The following STK33 variants were observed in gnomAD, a reference collection of about 807,000 sequenced individuals.
STK33 encodes the protein serine/threonine-protein kinase 33.
A neutral mutation model predicts 58.0 loss-of-function variants in STK33; 52 were observed. That is an observed-to-expected ratio of 0.90 (90% confidence interval 0.72 to 1.13). The LOEUF (loss-of-function observed/expected upper bound fraction) is 1.13. Ranked by LOEUF, STK33 falls within the 50% of genes most tolerant of loss-of-function variation. STK33 has a pLI of 0.00. For synonymous variants in STK33, 215 were observed against 200.1 expected, an observed-to-expected ratio of 1.07 and a Z score of -0.63; for missense variants, 630 against 604.2, an observed-to-expected ratio of 1.04 and a Z score of -0.45.
At chr11:8,525,109 A>G (rs1006981274) in intron 1 of STK33, among the ~76,000 whole-genome samples, 1 of 152,194 alleles carries the variant, frequency 6.6e-6, no homozygotes, top group Non-Finnish European at 1.5e-5. Context: ...ATATAAAAGA[A>G]TATGTAAACA....
At chr11:8,496,584 T>A (rs1335762375) in intron 1 of STK33, among the ~76,000 whole-genome samples, 1 of 151,926 alleles carries the variant, frequency 6.6e-6, no homozygotes, top group Non-Finnish European at 1.5e-5. Flanking sequence ...TTTCATTTTT[T>A]TTTTTTTTGA....
chr11:8,576,764 C>T (rs1958214966), intron 1 of STK33, among the ~76,000 whole-genome samples: 1 of 152,132 alleles, frequency 6.6e-6, no homozygotes, highest in Non-Finnish European at 1.5e-5. Context: ...GGCCACACAG[C>T]TAATAAATGA....
intron 1 of STK33, among the ~76,000 whole-genome samples, chr11:8,540,597 C>T (rs1177753600): frequency 6.6e-6 from 1 of 152,066 alleles, no homozygotes; most frequent in African/African-American, 2.4e-5. Context: ...TGCTACAAAA[C>T]AAACCTAGCA....
the STK33 span, among the ~76,000 whole-genome samples, chr11:8,378,233 T>TA: frequency 6.6e-6 from 1 of 152,136 alleles, no homozygotes; most frequent in African/African-American, 2.4e-5. Context: ...GGAAGCCCCT[T>TA]AAAAAACCAT....
intron 1 of STK33, chr11:8,580,770 TA>T (rs892242827): frequency 3.3e-5 from 5 of 152,092 alleles, no homozygotes; most frequent in African/African-American, 9.7e-5. Context: ...CCACAGAAAT[TA>T]AAAACTGCAA....
intron 8 of STK33, 63 bp downstream of exon 8, chr11:8,461,742 T>A: frequency 7.6e-7 from 1 of 1,310,630 alleles, no homozygotes; most frequent in Non-Finnish European, 1.0e-6. Flanking sequence ...TATTTCAGAA[T>A]GGAATGATAT....
chr11:8,459,002 A>C (rs931787214), intron 8 of STK33, among the ~76,000 whole-genome samples: 1 of 152,232 alleles, frequency 6.6e-6, no homozygotes, highest in African/African-American at 2.4e-5. Context: ...CACATAAATA[A>C]GCTTTTGAAC....
intron 1 of STK33, among the ~76,000 whole-genome samples, chr11:8,587,102 A>G (rs2031793794): frequency 6.6e-6 from 1 of 152,172 alleles, no homozygotes; most frequent in African/African-American, 2.4e-5. Flanking sequence ...ATCAACAAAA[A>G]CAATAAATTA....
chr11:8,354,276 C>A, the STK33 span, among the ~76,000 whole-genome samples: 1 of 151,982 alleles, frequency 6.6e-6, no homozygotes, highest in Non-Finnish European at 1.5e-5. Context: ...ATCCTCCCAT[C>A]CCTACCCCAC....
chr11:8,496,733 C>G (rs1252595931), intron 1 of STK33, among the ~76,000 whole-genome samples: 1 of 152,008 alleles, frequency 6.6e-6, no homozygotes, highest in East Asian at 1.9e-4. Flanking sequence ...CACCACCACG[C>G]CCGGCTAATT....
intron 1 of STK33, among the ~76,000 whole-genome samples, chr11:8,561,575 C>T (rs375114431): frequency 6.6e-6 from 1 of 152,062 alleles, no homozygotes; most frequent in Admixed American, 6.6e-5. Flanking sequence ...ATTACTAATC[C>T]GTTTAATCTC....
rs921392783 is a variant in STK33 at position 8,545,254 on chromosome 11, C to G, written c.-466+48829G>C. Among the ~76,000 whole-genome samples, 42 of 152,110 alleles carry G rather than the reference C, an allele frequency of 2.8e-4. 1 individual carries two copies. Among genetic ancestry groups the G allele is most frequent in the African/African-American group, 9.7e-4 (40 of 41,416 alleles). On this transcript the variant is annotated intron_variant, in intron 1 of 15. Coordinates refer to ENST00000687296, the MANE Select transcript of STK33 (RefSeq NM_001352389.2). ...ATGCTTTCAAATCTATTTCTTTCTA[C>G]TGGGAATCAACAACCAGTGAGGGTG...
At chr11:8,466,833 T>C (rs1188526125) in intron 6 of STK33, 1 of 152,300 alleles carries the variant, frequency 6.6e-6, no homozygotes, top group Admixed American at 6.5e-5. Flanking sequence ...CGTTTCCATA[T>C]ATCTTCTGAA....
At chr11:8,438,432 C>A (rs1944338561) in intron 12 of STK33, among the ~76,000 whole-genome samples, 1 of 152,072 alleles carries the variant, frequency 6.6e-6, no homozygotes, top group South Asian at 2.1e-4. Flanking sequence ...AGAAATGAAT[C>A]AAAGGTAACG....
chr11:8,369,346 C>G, the STK33 span, among the ~76,000 whole-genome samples: 1 of 137,096 alleles, frequency 7.3e-6, no homozygotes, highest in African/African-American at 2.7e-5. Context: ...ATCAGAAAAT[C>G]CAGCCAAGGT....
At chr11:8,454,904 A>T in intron 9 of STK33, 72 bp from the exon 10 acceptor site, 1 of 1,365,924 alleles carries the variant, frequency 7.3e-7, no homozygotes, top group East Asian at 2.8e-5. Context: ...TATAGATTAA[A>T]TATATTTGAC....
chr11:8,553,879 A>G (rs112132694), intron 1 of STK33, among the ~76,000 whole-genome samples: 57 of 152,316 alleles, frequency 3.7e-4, no homozygotes, highest in African/African-American at 1.2e-3. Context: ...GTTAAGCTCC[A>G]TGACATTAGA....
chr11:8,574,490 CT>C (rs1958041970), intron 1 of STK33, among the ~76,000 whole-genome samples: 2 of 152,084 alleles, frequency 1.3e-5, no homozygotes, highest in South Asian at 4.1e-4. Context: ...TTAGTTAAAA[CT>C]TTTCAACCAA....
At chr11:8,454,156 T>A (rs1946588467) in intron 10 of STK33, among the ~76,000 whole-genome samples, 1 of 152,198 alleles carries the variant, frequency 6.6e-6, no homozygotes, top group African/African-American at 2.4e-5. Flanking sequence ...ACAGAGTGAG[T>A]TACTCACAGA....
Sources: allele counts gnomAD v4.1 joint callset (sites outside exome capture counted in the v4.1 genomes callset), GRCh38; gene constraint gnomAD v4.1.1; transcripts MANE v1.5; gene names NCBI Gene and HGNC (gene_info 2026-07-23, HGNC 2026-07-21).